Variants in TFCP2 observed in about 807,000 individuals in gnomAD.
The protein encoded by TFCP2 is alpha-globin transcription factor CP2.
TFCP2 carries 33 observed loss-of-function variants against 73.4 expected under a neutral mutation model. That is an observed-to-expected ratio of 0.45 (90% CI 0.34 to 0.60). TFCP2 has a LOEUF of 0.60. TFCP2 is among the 20% of genes least tolerant of loss of function. The pLI is 0.01. For synonymous variants in TFCP2, 193 were observed against 211.6 expected, an observed-to-expected ratio of 0.91 and a Z score of 0.76; for missense variants, 352 against 604.0, an observed-to-expected ratio of 0.58 and a Z score of 4.37.
At chr12:51,148,051 C>G (rs1941335524) in intron 1 of TFCP2, among the ~76,000 whole-genome samples, 1 of 152,090 alleles carries the variant, frequency 6.6e-6, no homozygotes, top group South Asian at 2.1e-4. Context: ...CTCAACATCA[C>G]TATCAGGGAA....
chr12:51,133,479 AT>A (rs1940996889), intron 1 of TFCP2, among the ~76,000 whole-genome samples: 1 of 152,052 alleles, frequency 6.6e-6, no homozygotes, highest in Non-Finnish European at 1.5e-5. Context: ...TAATTTTTGT[AT>A]TTTTTTGTAG....
chr12:51,118,896 TC>T lies in TFCP2; in HGVS notation c.123-125del, dbSNP rs542023110. The T allele has an allele frequency of 2.0e-4, 219 of 1,090,614 alleles. 1 individual carries two copies. Among genetic ancestry groups the T allele is most frequent in the Admixed American group, 7.2e-4 (35 of 48,278 alleles). The allele number at this position is 1,090,614 out of a possible 1,614,324, so 67.6% of individuals were successfully genotyped here. On this transcript the variant is annotated intron_variant, in intron 1 of 14. Coordinates refer to ENST00000257915, the MANE Select transcript of TFCP2 (RefSeq NM_005653.5). ...CATTACTCACCTTGGTGGAGTTTCA[TC>T]CCAAGAATTCCATTTAGATTACCTG...
chr12:51,129,510 G>A (rs1432532615), intron 1 of TFCP2, among the ~76,000 whole-genome samples: 23 of 74,856 alleles, frequency 3.1e-4, no homozygotes, highest in Admixed American at 1.1e-3. Context: ...GAAAGACCCC[G>A]TCTCAAAAAA....
At chr12:51,154,284 G>C (rs181915825) in intron 1 of TFCP2, among the ~76,000 whole-genome samples, 4 of 152,112 alleles carry the variant, frequency 2.6e-5, no homozygotes, top group Non-Finnish European at 5.9e-5. Flanking sequence ...ATCAAACCCC[G>C]TATAGTGTGT....
intron 4 of TFCP2, among the ~76,000 whole-genome samples, chr12:51,115,384 T>G (rs2136980206): frequency 6.6e-6 from 1 of 152,186 alleles, no homozygotes; most frequent in South Asian, 2.1e-4. Context: ...CCTCCCAAAG[T>G]TTTGGGATTA....
At chr12:51,117,886 C>T in intron 2 of TFCP2, 139 bp from the exon 3 acceptor site, 1 of 598,712 alleles carries the variant, frequency 1.7e-6, no homozygotes, top group South Asian at 2.3e-5. Context: ...GAAGCCTTTA[C>T]AAGATGCTCA....
chr12:51,157,232 G>C (rs1941555295), intron 1 of TFCP2, among the ~76,000 whole-genome samples: 1 of 152,022 alleles, frequency 6.6e-6, no homozygotes, highest in Non-Finnish European at 1.5e-5. Context: ...ATGTTGGCCA[G>C]GCTGGTCTCA....
intron 1 of TFCP2, among the ~76,000 whole-genome samples, chr12:51,167,106 A>G (rs73305769): frequency 1.8e-4 from 28 of 152,336 alleles, no homozygotes; most frequent in African/African-American, 6.3e-4. Context: ...TCCTTCACTT[A>G]TCATGTATTC....
intron 11 of TFCP2, among the ~76,000 whole-genome samples, chr12:51,101,369 C>T (rs973916588): frequency 6.6e-6 from 1 of 152,030 alleles, no homozygotes; most frequent in Non-Finnish European, 1.5e-5. Flanking sequence ...CAGTTAAAAC[C>T]AACTTGGGAC....
rs749587048 is a variant in TFCP2 at position 51,109,114 on chromosome 12, G to C, written c.717+7C>G. The stretch of plus-strand genomic sequence containing the variant: ...AATCCAAGGGCCAGCACATTGCCCA[G>C]GAATACCTTGAAAACTTTGATCTGG... On this transcript the variant is annotated splice_region_variant and intron_variant, in intron 6 of 14. Transcript: ENST00000257915. The C allele has an allele frequency of 6.2e-7, 1 of 1,613,900 alleles. No individual in the cohort carries two copies. Among genetic ancestry groups the C allele is most frequent in the African/African-American group, 1.3e-5 (1 of 74,942 alleles).
Position 51,099,857 on chromosome 12 carries a change from C to G in TFCP2, c.1152-78G>C, listed in dbSNP as rs1940066694. 3 of 1,548,828 alleles carry G rather than the reference C, an allele frequency of 1.9e-6. No individual in the cohort carries two copies. The East Asian group carries it at 6.8e-5, about 35-fold the overall frequency. On this transcript the variant is annotated intron_variant, in intron 11 of 14. Coordinates refer to ENST00000257915, the MANE Select transcript of TFCP2 (RefSeq NM_005653.5). ...TAAAAAGAAGGGAGAAATTGTGTTTCTACATTAATCGTATAGAGCAGATGA... is the reference window on the plus strand; with the variant it reads ...TAAAAAGAAGGGAGAAATTGTGTTTGTACATTAATCGTATAGAGCAGATGA...
intron 1 of TFCP2, among the ~76,000 whole-genome samples, chr12:51,149,029 A>AAAAAAAAAAAAAC (rs1351687776): frequency 6.7e-6 from 1 of 148,166 alleles, no homozygotes; most frequent in Non-Finnish European, 1.5e-5. Context: ...CATCTCAAAA[A>AAAAAAAAAAAAAC]AAAAAAAAAA....
intron 1 of TFCP2, among the ~76,000 whole-genome samples, chr12:51,163,788 A>G (rs1260939774): frequency 6.6e-6 from 1 of 151,884 alleles, no homozygotes; most frequent in Non-Finnish European, 1.5e-5. Flanking sequence ...CAGAGATAAA[A>G]AAAAGAAAGA....
At chr12:51,144,055 CA>C (rs1470358486) in intron 1 of TFCP2, among the ~76,000 whole-genome samples, 1 of 152,014 alleles carries the variant, frequency 6.6e-6, no homozygotes, top group Non-Finnish European at 1.5e-5. Context: ...TTTTTTGAGA[CA>C]GGGTCTCATT....
At chr12:51,128,478 T>TA (rs11324129) in intron 1 of TFCP2, among the ~76,000 whole-genome samples, 35 of 137,302 alleles carry the variant, frequency 2.5e-4, no homozygotes, top group Middle Eastern at 3.7e-3. Flanking sequence ...AGTATAATAA[T>TA]AAAAAAAAAA....
chr12:51,141,986 C>T (rs1592823167), intron 1 of TFCP2, among the ~76,000 whole-genome samples: 3 of 150,418 alleles, frequency 2.0e-5, no homozygotes, highest in African/African-American at 7.3e-5. Flanking sequence ...GGGTGGATCA[C>T]GAGGTCAGGA....
chr12:51,141,185 G>C lies in TFCP2; in HGVS notation c.123-22413C>G, dbSNP rs1941185015. Among the ~76,000 whole-genome samples, 3 of 150,890 alleles carry C rather than the reference G, an allele frequency of 2.0e-5. No individual in the cohort carries two copies. In the South Asian group the frequency reaches 6.3e-4, roughly 32 times the overall value. ...GGGTCTAAGCAATCCTCTCACCTCA[G>C]CCTCCTGAGTAGCTGGGACCAAAAA... On this transcript the variant is annotated intron_variant, in intron 1 of 14. Coordinates refer to ENST00000257915, the MANE Select transcript of TFCP2 (RefSeq NM_005653.5).
intron 4 of TFCP2, among the ~76,000 whole-genome samples, chr12:51,114,228 C>A (rs1204975481): frequency 2.6e-5 from 4 of 152,086 alleles, no homozygotes; most frequent in African/African-American, 9.7e-5. Flanking sequence ...TTTAAAAATT[C>A]TTTCAACTCA....
chr12:51,167,181 A>G (rs1168264912), intron 1 of TFCP2, among the ~76,000 whole-genome samples: 1 of 152,230 alleles, frequency 6.6e-6, no homozygotes, highest in Non-Finnish European at 1.5e-5. Context: ...AGAAAAAAAG[A>G]ATAATAAAAG....
Sources: allele counts gnomAD v4.1 joint callset (sites outside exome capture counted in the v4.1 genomes callset), GRCh38; gene constraint gnomAD v4.1.1; transcripts MANE v1.5; gene names NCBI Gene and HGNC (gene_info 2026-07-23, HGNC 2026-07-21).